ACTR3C: variants seen among roughly 807,000 people sequenced by gnomAD.
ACTR3C encodes the protein actin related protein 3C.
In ACTR3C, 18 loss-of-function variants were observed where a neutral mutation model predicts 26.3. The ratio of observed to expected loss-of-function variants is 0.68; its 90% CI spans 0.47 to 1.01. The LOEUF is 1.01. Ranked by LOEUF, ACTR3C falls within the 50% of genes least tolerant of loss-of-function variation. ACTR3C has a pLI of 0.00. For missense variants in ACTR3C, 184 were observed against 250.7 expected (o/e 0.73, Z 1.80); for synonymous variants, 55 against 94.5 (o/e 0.58, Z 2.42).
At chr7:150,018,209 C>T in the ACTR3C span, among the ~76,000 whole-genome samples, 106 of 150,036 alleles carry the variant, frequency 7.1e-4, 11 homozygotes, top group African/African-American at 2.6e-3. Context: ...CAAAGCCTGG[C>T]TAATTTTTGT....
the ACTR3C span, among the ~76,000 whole-genome samples, chr7:150,071,290 A>AT: frequency 2.7e-5 from 4 of 148,450 alleles, no homozygotes; most frequent in Non-Finnish European, 6.0e-5. Flanking sequence ...CGCCCAGCTA[A>AT]TTTTTTTGTA....
At chr7:150,222,378 A>G in the ACTR3C span, among the ~76,000 whole-genome samples, 1,849 of 152,304 alleles carry the variant, frequency 0.012, 36 homozygotes, top group African/African-American at 0.043. Context: ...GCACCTTTCC[A>G]CGTGAGGAAA....
chr7:150,030,424 A>G, the ACTR3C span, among the ~76,000 whole-genome samples: 2 of 151,890 alleles, frequency 1.3e-5, no homozygotes, highest in Non-Finnish European at 2.9e-5. Flanking sequence ...AGTGCTAACC[A>G]ACTGCACTAT....
chr7:149,901,084 A>G, the ACTR3C span, among the ~76,000 whole-genome samples: 1 of 152,208 alleles, frequency 6.6e-6, no homozygotes, highest in African/African-American at 2.4e-5. Flanking sequence ...AGTAGTATTT[A>G]GTGTATGATG....
chr7:150,034,822 C>T, the ACTR3C span, among the ~76,000 whole-genome samples: 1 of 146,134 alleles, frequency 6.8e-6, no homozygotes, highest in Non-Finnish European at 1.5e-5. Flanking sequence ...GTGGGGGGTG[C>T]CTCCCCCCTC....
chr7:150,151,423 A>T, the ACTR3C span, among the ~76,000 whole-genome samples: 13 of 137,728 alleles, frequency 9.4e-5, 3 homozygotes, highest in Non-Finnish European at 1.6e-5. Flanking sequence ...TGTGCAGAAT[A>T]ACAAGTAACA....
intron 2 of ACTR3C, among the ~76,000 whole-genome samples, chr7:150,295,046 G>A (rs1281640630): frequency 2.6e-5 from 4 of 152,086 alleles, no homozygotes; most frequent in East Asian, 1.9e-4. Flanking sequence ...GCCAGACGAC[G>A]TCTATACCAA....
the ACTR3C span, among the ~76,000 whole-genome samples, chr7:150,133,082 G>GCTATTAATTAAACTATT: frequency 1.3e-5 from 2 of 152,070 alleles, no homozygotes; most frequent in Non-Finnish European, 2.9e-5. Context: ...TTGTGAAAGA[G>GCTATTAATTAAACTATT]AATTAAAACT....
chr7:150,282,894 A>T (rs1835464587), intron 6 of ACTR3C, among the ~76,000 whole-genome samples: 1 of 148,818 alleles, frequency 6.7e-6, no homozygotes, highest in Admixed American at 6.6e-5. Flanking sequence ...ATTTTACATA[A>T]TTTTCAGTGT....
the ACTR3C span, among the ~76,000 whole-genome samples, chr7:150,201,979 A>G: frequency 3.9e-5 from 6 of 152,342 alleles, no homozygotes; most frequent in African/African-American, 1.4e-4. Flanking sequence ...ATAATCAAGG[A>G]GGAATTTCTG....
the ACTR3C span, among the ~76,000 whole-genome samples, chr7:150,039,023 C>A: frequency 8.5e-6 from 1 of 118,316 alleles, no homozygotes; most frequent in Non-Finnish European, 1.8e-5. Flanking sequence ...GAGGGTCTGG[C>A]TCTCAGTAAT....
chr7:150,198,820 C>CT, the ACTR3C span, among the ~76,000 whole-genome samples: 2 of 145,624 alleles, frequency 1.4e-5, no homozygotes, highest in South Asian at 2.2e-4. Flanking sequence ...GTCAGCCCCC[C>CT]GCCCGGCCAG....
At chr7:149,947,206 A>T in the ACTR3C span, among the ~76,000 whole-genome samples, 4 of 149,096 alleles carry the variant, frequency 2.7e-5, no homozygotes, top group African/African-American at 7.8e-5. Flanking sequence ...GTTGTTTTCC[A>T]GTTCTCTATA....
the ACTR3C span, among the ~76,000 whole-genome samples, chr7:150,171,873 G>A: frequency 2.7e-5 from 4 of 150,658 alleles, 2 homozygotes; most frequent in African/African-American, 1.0e-4. Context: ...GTGCAGTGGC[G>A]CAATCCCGGC....
At chr7:150,048,612 G>T in the ACTR3C span, among the ~76,000 whole-genome samples, 1 of 151,658 alleles carries the variant, frequency 6.6e-6, no homozygotes, top group Non-Finnish European at 1.5e-5. Flanking sequence ...GGCCGGCCAG[G>T]GGGCGACTGA....
chr7:149,983,126 A>G, the ACTR3C span, among the ~76,000 whole-genome samples: 23,223 of 151,926 alleles, frequency 0.15, 3,506 homozygotes, highest in African/African-American at 0.39. Context: ...AACTCAAAAT[A>G]TATTAAAGAC....
the ACTR3C span, among the ~76,000 whole-genome samples, chr7:150,196,689 C>CT: frequency 6.6e-6 from 1 of 151,944 alleles, no homozygotes; most frequent in Non-Finnish European, 1.5e-5. Context: ...TGGAAATTGG[C>CT]TTTTTTTTCC....
chr7:150,270,551 C>T (rs1445619698), intron 6 of ACTR3C, among the ~76,000 whole-genome samples: 1 of 150,874 alleles, frequency 6.6e-6, no homozygotes, highest in East Asian at 2.0e-4. Flanking sequence ...GTGGCATCCA[C>T]ACCTGCAGAC....
the ACTR3C span, among the ~76,000 whole-genome samples, chr7:150,183,095 T>C: frequency 6.6e-6 from 1 of 150,858 alleles, no homozygotes; most frequent in Non-Finnish European, 1.5e-5. Flanking sequence ...TGTTTGTTGA[T>C]GAACTTTAAT....
Sources: gnomAD v4.1 joint callset for allele counts (sites outside exome capture counted in the v4.1 genomes callset) on GRCh38, gnomAD v4.1.1 for gene constraint, MANE v1.5 for transcripts, NCBI Gene and HGNC (gene_info 2026-07-23, HGNC 2026-07-21) for gene names.